USP42: variants seen among roughly 807,000 people sequenced by gnomAD.
USP42 encodes the protein ubiquitin specific peptidase 42, also known as ubiquitin carboxyl-terminal hydrolase 42.
In USP42, 23 loss-of-function variants were observed where a neutral mutation model predicts 113.0. That is an observed-to-expected ratio of 0.20 (90% CI 0.15 to 0.29). The LOEUF (loss-of-function observed/expected upper bound fraction) is 0.29. Ranked by LOEUF, USP42 falls within the 10% of genes least tolerant of loss-of-function variation. The pLI, the probability that USP42 is intolerant of heterozygous loss-of-function variation, is 1.00. For missense variants in USP42, 2,174 were observed against 1,779.8 expected (o/e 1.22, Z -3.99); for synonymous variants, 933 against 699.0 (o/e 1.33, Z -5.28).
At chr7:6,124,497 C>T (rs143968778) in intron 3 of USP42, among the ~76,000 whole-genome samples, 3,590 of 152,132 alleles carry the variant, frequency 0.024, 138 homozygotes, top group African/African-American at 0.08. Flanking sequence ...AACTCCTGAC[C>T]TCGTGATCTG....
chr7:6,140,003 A>G lies in USP42; in HGVS notation c.657-125A>G, dbSNP rs955233323. The G allele has an allele frequency of 2.2e-5, 21 of 943,036 alleles. No homozygotes were observed. The African/African-American group carries it at 2.3e-4, about 10-fold the overall frequency. 58.4% of individuals were successfully genotyped at this position (943,036 alleles called of 1,614,324 possible). On this transcript the variant is annotated intron_variant, in intron 5 of 17. Transcript: ENST00000306177. ...GGGCTGCCACACGTGCCATCCTTTT[A>G]TTTTCCATGGCTGTCCTGTTTGAAT...
intron 3 of USP42, among the ~76,000 whole-genome samples, chr7:6,128,591 ACT>A (rs775057001): frequency 3.3e-5 from 5 of 151,526 alleles, no homozygotes; most frequent in Admixed American, 6.6e-5. Context: ...GTGTCTTTTA[ACT>A]CTCTGCTGCT....
intron 1 of USP42, 116 bp from the exon 2 acceptor site, chr7:6,111,009 A>T: frequency 4.0e-6 from 4 of 1,011,676 alleles, no homozygotes; most frequent in Admixed American, 2.9e-5. Flanking sequence ...TATTTGAGTG[A>T]TGTGTTTGAA....
chr7:6,083,725 C>T, the USP42 span, among the ~76,000 whole-genome samples: 3 of 150,670 alleles, frequency 2.0e-5, no homozygotes, highest in Admixed American at 2.0e-4. Flanking sequence ...TATTATGTGG[C>T]GTTTATGTTT....
upstream of USP42, among the ~76,000 whole-genome samples, chr7:6,100,648 C>G (rs1251122328): frequency 2.0e-5 from 3 of 148,368 alleles, no homozygotes; most frequent in African/African-American, 7.7e-5. Flanking sequence ...TTTTTACACT[C>G]TGTTTCTTAG....
chr7:6,118,716 C>T lies in USP42; in HGVS notation c.442+3193C>T, dbSNP rs989633263. Among the ~76,000 whole-genome samples, 5 of 152,026 alleles carry T rather than the reference C, an allele frequency of 3.3e-5. No individual in the cohort carries two copies. The East Asian group carries it at 9.6e-4, about 29-fold the overall frequency. The stretch of plus-strand genomic sequence containing the variant: ...TTTTGCATATGGATGTTCGGTTGTT[C>T]TAGCACCATTTGTTGGAAACATAAT... On this transcript the variant is annotated intron_variant, in intron 3 of 17. Transcript: ENST00000306177.
At chr7:6,131,560 G>T (rs1780853022) in intron 3 of USP42, among the ~76,000 whole-genome samples, 1 of 152,182 alleles carries the variant, frequency 6.6e-6, no homozygotes, top group Non-Finnish European at 1.5e-5. Context: ...GATTTCTAAA[G>T]GTTTCTGTCA....
the USP42 span, among the ~76,000 whole-genome samples, chr7:6,096,835 C>T: frequency 6.6e-6 from 1 of 151,298 alleles, no homozygotes; most frequent in African/African-American, 2.5e-5. Context: ...TGGCTTGCTG[C>T]TCACTGTACC....
At chr7:6,131,119 G>A (rs907598766) in intron 3 of USP42, among the ~76,000 whole-genome samples, 4 of 152,116 alleles carry the variant, frequency 2.6e-5, no homozygotes, top group Non-Finnish European at 5.9e-5. Context: ...TTGCACGAAC[G>A]CTGAGCCCTT....
At chr7:6,116,793 A>G (rs1224796615) in intron 3 of USP42, 3 of 533,084 alleles carry the variant, frequency 5.6e-6, no homozygotes. Flanking sequence ...TCCCTTTCTC[A>G]GTCCATAATT....
chr7:6,145,330 C>CA (rs61495758), intron 9 of USP42, among the ~76,000 whole-genome samples, 186 bp from the exon 10 acceptor site: 21,731 of 131,858 alleles, frequency 0.16, 2,455 homozygotes, highest in African/African-American at 0.33. Flanking sequence ...CACGCCATCT[C>CA]AAAAAAAAAA....
chr7:6,115,205 G>A (rs992582976), intron 2 of USP42, 118 bp from the exon 3 acceptor site: 26 of 959,436 alleles, frequency 2.7e-5, no homozygotes, highest in Middle Eastern at 6.5e-4. Flanking sequence ...TGTATTTCAG[G>A]TAGGCTGGTC....
Position 6,161,349 on chromosome 7 carries a change from C to T in USP42, c.*831C>T, listed in dbSNP as rs1782773277. On this transcript the variant is annotated 3_prime_UTR_variant, in exon 18 of 18. Coordinates refer to ENST00000306177, the MANE Select transcript of USP42 (RefSeq NM_032172.3). Reference sequence around the variant, plus strand: ...GGATATGCTATCAAACTGTGATACACTTATAATTCACTGGTCCTGCATCAG... The same window carrying T: ...GGATATGCTATCAAACTGTGATACATTTATAATTCACTGGTCCTGCATCAG... 6.6e-6 allele frequency: 1 copy of T among 152,566 alleles called. No homozygotes were observed. The highest frequency in any genetic ancestry group is 6.6e-5 in the Admixed American group (1 of 15,262). 9.5% of individuals were successfully genotyped at this position (152,566 alleles called of 1,614,324 possible). A position where few individuals can be genotyped will look rare whatever the true frequency, so the allele number is the denominator to read the frequency against.
Position 6,111,298 on chromosome 7 carries a change from A to G in USP42, c.165A>G (p.Gly55=). 1 of 1,608,080 alleles carries G rather than the reference A, an allele frequency of 6.2e-7. No homozygotes were observed. The highest frequency in any genetic ancestry group is 2.2e-5 in the East Asian group (1 of 44,792). The part of the protein sequence containing the change: ...NDVSNHTLSL[G]PVPGAVVYSS... ...TGTCAAATCACACACTTTCTTTAGG[A>G]CCAGTACCTGGTGCTGTAGTTTATT... is the stretch of plus-strand genomic sequence containing the variant. The change falls in exon 2 of 18, where the codon GGA becomes GGG. Residue 55 remains glycine, a synonymous_variant. Coordinates refer to ENST00000306177, the MANE Select transcript of USP42 (RefSeq NM_032172.3).
chr7:6,111,123 A>G lies in USP42; in HGVS notation c.-9-2A>G. On this transcript the variant is annotated splice_acceptor_variant, in intron 1 of 17. Transcript: ENST00000306177. LOFTEE classifies it low-confidence loss of function (5UTR_SPLICE). ...CAAATACATACTTTTCATCTTTTGCAGAGTTGAACAATGACCATAGTTGAC... is the reference window on the plus strand; with the variant it reads ...CAAATACATACTTTTCATCTTTTGCGGAGTTGAACAATGACCATAGTTGAC... The G allele has an allele frequency of 6.2e-7, 1 of 1,605,426 alleles. No individual in the cohort carries two copies. The highest frequency in any genetic ancestry group is 8.5e-7 in the Non-Finnish European group (1 of 1,173,230).
Position 6,156,869 on chromosome 7 carries a change from G to C in USP42, c.3757G>C (p.Asp1253His), listed in dbSNP as rs1782480041. Residue 1253 changes from aspartate to histidine, a missense_variant, in exon 16 of 18, where the codon GAT becomes CAT. Coordinates refer to ENST00000306177, the MANE Select transcript of USP42 (RefSeq NM_032172.3). ...AAGAAAATCAGAGGACTTTGTTAAA[G>C]ATTCAGAACTGCACTTACCCAGGGT... ...HSRKSEDFVKDSELHLPRVTS... is the reference protein window; with the variant it reads ...HSRKSEDFVKHSELHLPRVTS... The C allele has an allele frequency of 1.2e-6, 2 of 1,611,598 alleles. No individual in the cohort carries two copies. The highest frequency in any genetic ancestry group is 2.7e-5 in the African/African-American group (2 of 74,642).
At chr7:6,117,170 G>A (rs956341657) in intron 3 of USP42, among the ~76,000 whole-genome samples, 1 of 151,964 alleles carries the variant, frequency 6.6e-6, no homozygotes, top group Non-Finnish European at 1.5e-5. Context: ...AAAGTTCCCC[G>A]ATGCCCCTTT....
At chr7:6,151,456 T>A (rs1228990124) in intron 14 of USP42, among the ~76,000 whole-genome samples, 2 of 151,848 alleles carry the variant, frequency 1.3e-5, no homozygotes, top group Middle Eastern at 3.4e-3. Flanking sequence ...TTTTTTTGTT[T>A]GAGACGGAGT....
intron 3 of USP42, among the ~76,000 whole-genome samples, chr7:6,120,646 C>A (rs371813332): frequency 1.1e-4 from 17 of 152,340 alleles, no homozygotes; most frequent in African/African-American, 4.1e-4. Context: ...TGCAGTGGCA[C>A]AATCTCGGCT....
Sources: allele counts gnomAD v4.1 joint callset (sites outside exome capture counted in the v4.1 genomes callset), GRCh38; gene constraint gnomAD v4.1.1; transcripts MANE v1.5; gene names NCBI Gene and HGNC (gene_info 2026-07-23, HGNC 2026-07-21).